Variants in CDH13 observed in about 807,000 individuals in gnomAD.
CDH13 encodes the protein cadherin-13.
Under a neutral mutation model 63.8 loss-of-function variants are expected in CDH13, and 24 were observed. The observed-to-expected ratio is 0.38, with a 90% confidence interval of 0.27 to 0.53. CDH13 has a LOEUF of 0.53. CDH13 is among the 20% of genes least tolerant of loss of function. CDH13 has a pLI of 0.85. For synonymous variants in CDH13, 503 were observed against 355.3 expected, an observed-to-expected ratio of 1.42 and a Z score of -4.67; for missense variants, 1,049 against 903.1, an observed-to-expected ratio of 1.16 and a Z score of -2.07.
At chr16:82,952,480 T>C (rs1905436520) in intron 2 of CDH13, among the ~76,000 whole-genome samples, 1 of 152,214 alleles carries the variant, frequency 6.6e-6, no homozygotes, top group South Asian at 2.1e-4. Flanking sequence ...GTGATGGCTC[T>C]AATGTGAGTT....
At chr16:82,926,551 G>C (rs1422995790) in intron 2 of CDH13, among the ~76,000 whole-genome samples, 5 of 152,300 alleles carry the variant, frequency 3.3e-5, no homozygotes, top group African/African-American at 1.2e-4. Flanking sequence ...TGTTGAGCTT[G>C]ATGGCATTTT....
At chr16:82,865,983 C>T (rs1049830374) in intron 2 of CDH13, among the ~76,000 whole-genome samples, 1 of 152,130 alleles carries the variant, frequency 6.6e-6, no homozygotes, top group African/African-American at 2.4e-5. Context: ...ATTTCTTCTG[C>T]CAGATACCCT....
At chr16:83,063,471 C>T (rs1161772135) in intron 3 of CDH13, among the ~76,000 whole-genome samples, 2 of 152,142 alleles carry the variant, frequency 1.3e-5, no homozygotes, top group Non-Finnish European at 2.9e-5. Context: ...TTTCAAACCA[C>T]CCCGCAGAGA....
intron 5 of CDH13, among the ~76,000 whole-genome samples, chr16:83,281,702 A>T (rs933066044): frequency 1.3e-5 from 2 of 151,298 alleles, no homozygotes; most frequent in Non-Finnish European, 2.9e-5. Flanking sequence ...TGAGGTCAGG[A>T]GTTCGAGACC....
chr16:83,711,002 C>T (rs538105765), intron 10 of CDH13, among the ~76,000 whole-genome samples: 127 of 152,254 alleles, frequency 8.3e-4, no homozygotes, highest in Middle Eastern at 3.4e-3. Context: ...TGGGGAAGCC[C>T]CGCAGGCTGC....
At chr16:83,316,788 A>G (rs891862350) in intron 5 of CDH13, among the ~76,000 whole-genome samples, 1 of 152,170 alleles carries the variant, frequency 6.6e-6, no homozygotes, top group Non-Finnish European at 1.5e-5. Flanking sequence ...TTGCTGTAAA[A>G]CAAACAACTT....
intron 2 of CDH13, among the ~76,000 whole-genome samples, chr16:82,996,893 G>C (rs1279066546): frequency 6.6e-6 from 1 of 151,924 alleles, no homozygotes; most frequent in Non-Finnish European, 1.5e-5. Flanking sequence ...TGGTGATGCT[G>C]ATGGCGGTGA....
chr16:83,538,744 C>G (rs904896921), intron 7 of CDH13, among the ~76,000 whole-genome samples: 4 of 152,070 alleles, frequency 2.6e-5, no homozygotes, highest in African/African-American at 9.7e-5. Context: ...GAATAATTGT[C>G]CAGTTAGAAT....
intron 6 of CDH13, among the ~76,000 whole-genome samples, chr16:83,416,326 T>A (rs546519302): frequency 1.3e-5 from 2 of 152,334 alleles, no homozygotes; most frequent in African/African-American, 4.8e-5. Flanking sequence ...TACCCAAAAT[T>A]ATCTACAGAT....
At chr16:83,370,594 G>GT (rs553626472) in intron 6 of CDH13, among the ~76,000 whole-genome samples, 1 of 152,102 alleles carries the variant, frequency 6.6e-6, no homozygotes, top group Non-Finnish European at 1.5e-5. Flanking sequence ...CCTATAGGTA[G>GT]TTTTTTTGTT....
At chr16:83,200,078 A>AT (rs1211341074) in intron 4 of CDH13, among the ~76,000 whole-genome samples, 2 of 152,076 alleles carry the variant, frequency 1.3e-5, no homozygotes, top group Admixed American at 1.3e-4. Flanking sequence ...TCCTTACCTG[A>AT]TTCACACGGT....
At chr16:82,875,315 T>G (rs2040467614) in intron 2 of CDH13, among the ~76,000 whole-genome samples, 1 of 152,204 alleles carries the variant, frequency 6.6e-6, no homozygotes. Flanking sequence ...AAAAGCGTTT[T>G]GTTGGCTATA....
At chr16:82,922,945 A>T (rs547045476) in intron 2 of CDH13, among the ~76,000 whole-genome samples, 8 of 152,262 alleles carry the variant, frequency 5.3e-5, no homozygotes, top group Non-Finnish European at 1.2e-4. Flanking sequence ...AGCAAGTCAC[A>T]CATATTTTTT....
In CDH13 at chr16:83,216,028, T is replaced by A. The variant is rs551900829; in HGVS notation, c.484-1317T>A. ...CCCCAACTGCTTCTCAGCCTAACCC[T>A]CTACATGCTTAAGCATATGCCAGTA... On this transcript the variant is annotated intron_variant, in intron 4 of 13. Coordinates refer to ENST00000567109, the MANE Select transcript of CDH13 (RefSeq NM_001257.5). Among the ~76,000 whole-genome samples the A allele has an allele frequency of 1.3e-4, 19 of 146,326 alleles. 1 individual carries two copies. The South Asian group carries it at 4.3e-3, about 33-fold the overall frequency.
At chr16:83,428,902 C>G (rs962440301) in intron 6 of CDH13, among the ~76,000 whole-genome samples, 2 of 152,220 alleles carry the variant, frequency 1.3e-5, no homozygotes, top group Admixed American at 6.5e-5. Context: ...AACTGTTGCA[C>G]TGGGCCAATC....
chr16:83,461,244 T>A (rs2073174597), intron 6 of CDH13, among the ~76,000 whole-genome samples: 1 of 152,186 alleles, frequency 6.6e-6, no homozygotes, highest in Non-Finnish European at 1.5e-5. Context: ...ATATTCCTAT[T>A]TATATATAAA....
intron 1 of CDH13, among the ~76,000 whole-genome samples, chr16:82,662,252 A>G (rs144058516): frequency 7.2e-6 from 1 of 139,292 alleles, no homozygotes; most frequent in African/African-American, 2.6e-5. Flanking sequence ...ACACAGGCAC[A>G]TACTTTTTGG....
At chr16:83,120,126 C>A (rs1054952769) in intron 3 of CDH13, among the ~76,000 whole-genome samples, 36 of 152,166 alleles carry the variant, frequency 2.4e-4, no homozygotes, top group African/African-American at 8.4e-4. Flanking sequence ...CTCCAGCAGC[C>A]CCCGAACCCT....
chr16:83,215,501 G>A (rs1567513023), intron 4 of CDH13, among the ~76,000 whole-genome samples: 1 of 148,152 alleles, frequency 6.7e-6, no homozygotes, highest in African/African-American at 2.5e-5. Flanking sequence ...TTTTTAATCG[G>A]AAAAAAAAAA....
Sources: allele counts gnomAD v4.1 joint callset (sites outside exome capture counted in the v4.1 genomes callset), GRCh38; gene constraint gnomAD v4.1.1; transcripts MANE v1.5; gene names NCBI Gene and HGNC (gene_info 2026-07-23, HGNC 2026-07-21).